Variants in PPP1R12B observed in about 807,000 individuals in gnomAD.
PPP1R12B encodes the protein protein phosphatase 1 regulatory subunit 12B.
Under a neutral mutation model 126.1 loss-of-function variants are expected in PPP1R12B, and 76 were observed. The observed-to-expected ratio is 0.60, with a 90% CI of 0.50 to 0.73. The LOEUF is 0.73. Among genes scored for constraint, PPP1R12B ranks in the 30% least tolerant of loss-of-function variants. The pLI is 0.00. For synonymous variants in PPP1R12B, 356 were observed against 434.7 expected (o/e 0.82, Z 2.25); for missense variants, 1,052 against 1,205.1 (o/e 0.87, Z 1.88).
chr1:202,495,164 G>C (rs1482734949), intron 15 of PPP1R12B, 129 bp from the exon 16 acceptor site: 6 of 600,822 alleles, frequency 1.0e-5, no homozygotes, highest in African/African-American at 3.8e-5. Flanking sequence ...CTATTACCAG[G>C]TACTCAATAT....
intron 10 of PPP1R12B, chr1:202,439,449 CTGCCCGCCAAG>C: frequency 7.2e-7 from 1 of 1,379,964 alleles, no homozygotes; most frequent in Non-Finnish European, 1.0e-6. Flanking sequence ...CCCCAGCTGG[CTGCCCGCCAAG>C]TGCCCCGGCA....
At chr1:202,549,886 G>C (rs533501425) in intron 18 of PPP1R12B, among the ~76,000 whole-genome samples, 8 of 152,254 alleles carry the variant, frequency 5.3e-5, no homozygotes, top group African/African-American at 1.9e-4. Flanking sequence ...TAAATGCAGG[G>C]AATGAATGCT....
intron 13 of PPP1R12B, among the ~76,000 whole-genome samples, chr1:202,474,458 A>G (rs930167516): frequency 3.9e-5 from 6 of 152,072 alleles, no homozygotes; most frequent in African/African-American, 1.2e-4. Context: ...TTCTGTTTTT[A>G]GTAGAGACAT....
In PPP1R12B at chr1:202,493,121, C is replaced by T; in HGVS notation, c.1949C>T (p.Thr650Ile). 1 of 1,611,884 alleles carries T rather than the reference C, an allele frequency of 6.2e-7. No individual in the cohort carries two copies. Among genetic ancestry groups the T allele is most frequent in the African/African-American group, 1.3e-5 (1 of 74,954 alleles). The change falls in exon 15 of 24, where the codon ACC (threonine) becomes ATC (isoleucine). Residue 650 changes from threonine (T) to isoleucine (I), a missense_variant. Physicochemically the swap from Thr to Ile is moderately conservative, Grantham distance 89 (BLOSUM62 -1). Transcript: ENST00000608999. ...RQTRRSTQGV[T>I]LTDLQEAERT... ...CTTGTGATATTTTCCCAGGGTGTCACCCTAACAGACCTTCAAGAAGCAGAA... is the reference window on the plus strand; with the variant it reads ...CTTGTGATATTTTCCCAGGGTGTCATCCTAACAGACCTTCAAGAAGCAGAA...
chr1:202,385,421 A>G (rs1662962009), intron 1 of PPP1R12B, among the ~76,000 whole-genome samples: 3 of 152,218 alleles, frequency 2.0e-5, no homozygotes, highest in South Asian at 4.1e-4. Context: ...CTTCAGATTC[A>G]ACATCTGGAA....
intron 6 of PPP1R12B, among the ~76,000 whole-genome samples, chr1:202,430,389 A>G (rs981397549): frequency 6.6e-6 from 1 of 152,118 alleles, no homozygotes; most frequent in African/African-American, 2.4e-5. Context: ...AATATTGCCA[A>G]CTTATTTCAG....
rs554328042 is a variant in PPP1R12B, at chr1:202,494,479, A to G, written c.2146-814A>G. ...AATCACAAAAATGTGTACAATCTCT[A>G]TGTCATAAATTTAATGTGTAGTAAG... is the stretch of plus-strand genomic sequence containing the variant. On this transcript the variant is annotated intron_variant, in intron 15 of 23. Coordinates refer to ENST00000608999, the MANE Select transcript of PPP1R12B (RefSeq NM_002481.4). Among the ~76,000 whole-genome samples, 35 of 151,580 alleles carry G rather than the reference A, an allele frequency of 2.3e-4. 1 individual carries two copies. The highest frequency in any genetic ancestry group is 8.8e-5 in the Non-Finnish European group (6 of 67,954).
At chr1:202,503,529 CTAAAG>C (rs1237700347) in intron 18 of PPP1R12B, among the ~76,000 whole-genome samples, 2 of 152,026 alleles carry the variant, frequency 1.3e-5, no homozygotes, top group Non-Finnish European at 1.5e-5. Flanking sequence ...ATCAGTAAAC[CTAAAG>C]ATTGGATTTT....
At chr1:202,351,212 T>TTG (rs1655912696) in intron 1 of PPP1R12B, among the ~76,000 whole-genome samples, 5 of 146,456 alleles carry the variant, frequency 3.4e-5, no homozygotes, top group Non-Finnish European at 6.0e-5. Flanking sequence ...TGGAGAAGTT[T>TTG]TTGTTGTTGT....
chr1:202,475,512 A>G (rs1193187384), intron 13 of PPP1R12B, among the ~76,000 whole-genome samples: 1 of 152,198 alleles, frequency 6.6e-6, no homozygotes, highest in Non-Finnish European at 1.5e-5. Context: ...ATAAATCTAC[A>G]TAGCTAGAAA....
intron 13 of PPP1R12B, among the ~76,000 whole-genome samples, chr1:202,456,355 G>T (rs1157504103): frequency 1.3e-5 from 2 of 152,098 alleles, no homozygotes; most frequent in Non-Finnish European, 2.9e-5. Context: ...CATGGTAGAT[G>T]GAACTTATAA....
At chr1:202,474,817 G>A (rs1676432204) in intron 13 of PPP1R12B, among the ~76,000 whole-genome samples, 1 of 152,174 alleles carries the variant, frequency 6.6e-6, no homozygotes, top group African/African-American at 2.4e-5. Flanking sequence ...TGTGACTAGT[G>A]GCAACCATAT....
At chr1:202,474,499 A>G (rs1337957492) in intron 13 of PPP1R12B, among the ~76,000 whole-genome samples, 1 of 152,166 alleles carries the variant, frequency 6.6e-6, no homozygotes, top group East Asian at 1.9e-4. Flanking sequence ...AATGATCTCA[A>G]ACTCCTGGCC....
intron 23 of PPP1R12B, chr1:202,577,230 C>G (rs1689172686): frequency 6.6e-6 from 1 of 152,024 alleles, no homozygotes; most frequent in Non-Finnish European, 1.5e-5. Context: ...CCAGTATGGC[C>G]CATAAGCCAT....
intron 1 of PPP1R12B, among the ~76,000 whole-genome samples, chr1:202,377,801 G>A (rs1299855531): frequency 6.6e-6 from 1 of 150,868 alleles, no homozygotes; most frequent in East Asian, 2.0e-4. Context: ...CTGATTATGG[G>A]GAGCAGGAGA....
At chr1:202,379,711 C>A (rs1661910796) in intron 1 of PPP1R12B, among the ~76,000 whole-genome samples, 1 of 152,160 alleles carries the variant, frequency 6.6e-6, no homozygotes, top group Non-Finnish European at 1.5e-5. Flanking sequence ...TCTAATAGTA[C>A]CTTGTTATTT....
At position 202,533,199 on chromosome 1, in the gene PPP1R12B, G is replaced by A. The variant is rs182450993; in HGVS notation, c.2491-25678G>A. Among the ~76,000 whole-genome samples the A allele has an allele frequency of 3.8e-3, 582 of 152,290 alleles. 2 individuals carry two copies. The highest frequency in any genetic ancestry group is 0.013 in the African/African-American group (554 of 41,564). ...TGTCCTAATGAAGTCCATGGGAGCA[G>A]AAAGATCCAATCCAGGATCACTATA... On this transcript the variant is annotated intron_variant, in intron 18 of 23. Transcript: ENST00000608999.
At chr1:202,574,168 A>AC (rs1491107644) in intron 23 of PPP1R12B, among the ~76,000 whole-genome samples, 2 of 16,250 alleles carry the variant, frequency 1.2e-4, no homozygotes, top group African/African-American at 3.9e-4. Context: ...CATGCCCCAC[A>AC]AAAAAAAAAA....
chr1:202,405,762 T>G (rs367997148), intron 1 of PPP1R12B, among the ~76,000 whole-genome samples: 19 of 152,318 alleles, frequency 1.2e-4, no homozygotes, highest in African/African-American at 4.6e-4. Flanking sequence ...CTTAACTGTA[T>G]GCTGTACTGC....
Sources: gnomAD v4.1 joint callset for allele counts (sites outside exome capture counted in the v4.1 genomes callset) on GRCh38, gnomAD v4.1.1 for gene constraint, MANE v1.5 for transcripts, NCBI Gene and HGNC (gene_info 2026-07-23, HGNC 2026-07-21) for gene names.